The following SND1 variants were observed in gnomAD, a reference collection of about 807,000 sequenced individuals.
SND1 encodes the protein staphylococcal nuclease domain-containing protein 1.
A neutral mutation model predicts 121.7 loss-of-function variants in SND1; 38 were observed. The observed-to-expected ratio is 0.31, with a 90% confidence interval of 0.24 to 0.41. SND1 has a LOEUF of 0.41. SND1 is among the 10% of genes least tolerant of loss of function. The pLI is 1.00. For synonymous variants in SND1, 401 were observed against 447.4 expected, an observed-to-expected ratio of 0.90 and a Z score of 1.31; for missense variants, 868 against 1,184.6, an observed-to-expected ratio of 0.73 and a Z score of 3.92.
chr7:127,759,194 G>A (rs975997623), intron 10 of SND1, among the ~76,000 whole-genome samples: 114 of 152,150 alleles, frequency 7.5e-4, no homozygotes, highest in African/African-American at 2.7e-3. Context: ...TCAGAATGTA[G>A]TATGTGACTT....
In SND1 at chr7:127,788,992, G is replaced by T. The variant is rs537382371; in HGVS notation, c.1153-18492G>T. ...CATCCTGCAAGGTTTTGGTCTATAT[G>T]TTAAGCTGTGCCTTCTAATTTTTCT... On this transcript the variant is annotated intron_variant, in intron 10 of 23. Transcript: ENST00000354725. 4.6e-5 allele frequency among the ~76,000 whole-genome samples: 7 copies of T among 152,306 alleles called. No individual in the cohort carries two copies. In the East Asian group the frequency reaches 1.2e-3, roughly 25 times the overall value.
intron 16 of SND1, among the ~76,000 whole-genome samples, chr7:128,003,726 C>T (rs1802892079): frequency 2.0e-5 from 3 of 152,202 alleles, no homozygotes; most frequent in Admixed American, 1.3e-4. Flanking sequence ...GGATTTTTGG[C>T]CTGGCCACCT....
At chr7:128,066,474 C>G (rs982208369) in intron 16 of SND1, among the ~76,000 whole-genome samples, 9 of 152,210 alleles carry the variant, frequency 5.9e-5, no homozygotes, top group Admixed American at 3.3e-4. Context: ...CAGTGGGGAT[C>G]AGAACCACAT....
intron 15 of SND1, among the ~76,000 whole-genome samples, chr7:127,932,917 T>C (rs746530221): frequency 4.6e-5 from 7 of 152,222 alleles, no homozygotes; most frequent in Non-Finnish European, 8.8e-5. Flanking sequence ...TTCATTGCAG[T>C]GGTCTGGAAC....
At chr7:128,020,217 G>A (rs1803314125) in intron 16 of SND1, among the ~76,000 whole-genome samples, 1 of 152,190 alleles carries the variant, frequency 6.6e-6, no homozygotes, top group Non-Finnish European at 1.5e-5. Context: ...AATCATGAGT[G>A]GGCACCATCT....
chr7:127,883,452 G>C (rs1012394749), intron 12 of SND1, among the ~76,000 whole-genome samples: 13 of 152,102 alleles, frequency 8.5e-5, no homozygotes, highest in Admixed American at 6.6e-4. Flanking sequence ...ATGTGTGTTT[G>C]TGTTAATTTT....
At chr7:127,912,732 CAG>C (rs1800486423) in intron 14 of SND1, among the ~76,000 whole-genome samples, 1 of 151,894 alleles carries the variant, frequency 6.6e-6, no homozygotes, top group Non-Finnish European at 1.5e-5. Context: ...TATCTTTTAA[CAG>C]GGGAAACAAT....
intron 16 of SND1, among the ~76,000 whole-genome samples, chr7:128,003,758 A>G (rs994170567): frequency 3.3e-5 from 5 of 152,214 alleles, no homozygotes; most frequent in East Asian, 1.9e-4. Flanking sequence ...ATTTTAGAAT[A>G]GGGTCACTTT....
intron 10 of SND1, among the ~76,000 whole-genome samples, chr7:127,768,965 ACTCCT>A (rs1797467052): frequency 6.6e-6 from 1 of 152,062 alleles, no homozygotes; most frequent in Admixed American, 6.6e-5. Context: ...CACCTCCCTG[ACTCCT>A]CTCCTACCTT....
chr7:128,032,858 A>C (rs546267586), intron 16 of SND1, among the ~76,000 whole-genome samples: 6 of 151,844 alleles, frequency 4.0e-5, no homozygotes, highest in Admixed American at 1.3e-4. Flanking sequence ...TTCCTTAATG[A>C]GGGTTGCGGG....
intron 10 of SND1, among the ~76,000 whole-genome samples, chr7:127,787,876 G>C (rs952666876): frequency 9.2e-5 from 14 of 152,130 alleles, no homozygotes; most frequent in Non-Finnish European, 1.6e-4. Flanking sequence ...GGAGGGGAGG[G>C]GAAGAAGTTG....
chr7:127,702,139 C>G (rs1188719994), intron 5 of SND1, among the ~76,000 whole-genome samples: 4 of 152,046 alleles, frequency 2.6e-5, no homozygotes, highest in Admixed American at 6.6e-5. Context: ...TGTTGGGTAC[C>G]TGGTACTCAG....
intron 11 of SND1, among the ~76,000 whole-genome samples, chr7:127,823,271 C>A (rs966569144): frequency 1.3e-5 from 2 of 152,158 alleles, no homozygotes; most frequent in South Asian, 2.1e-4. Context: ...CAGTCTATTG[C>A]GTGTCCCTCT....
chr7:127,673,409 T>G (rs1476587324), intron 1 of SND1, among the ~76,000 whole-genome samples: 1 of 152,152 alleles, frequency 6.6e-6, no homozygotes, highest in East Asian at 1.9e-4. Flanking sequence ...CCTCCTGGGT[T>G]TAAGCAATTC....
intron 16 of SND1, among the ~76,000 whole-genome samples, chr7:128,026,884 T>G (rs1049663241): frequency 6.6e-6 from 1 of 152,210 alleles, no homozygotes; most frequent in Non-Finnish European, 1.5e-5. Context: ...CGGGGTGCTT[T>G]TATTTAAGCT....
intron 10 of SND1, among the ~76,000 whole-genome samples, chr7:127,806,041 T>C (rs142015407): frequency 1.1e-4 from 17 of 152,350 alleles, no homozygotes; most frequent in Non-Finnish European, 5.9e-5. Context: ...TATGTACTAA[T>C]GAGGGAGGTA....
At chr7:127,824,611 C>T (rs1244589137) in intron 11 of SND1, among the ~76,000 whole-genome samples, 2 of 152,064 alleles carry the variant, frequency 1.3e-5, no homozygotes, top group Non-Finnish European at 1.5e-5. Flanking sequence ...TCTTCTCTTC[C>T]GTCACTTCAG....
At position 128,085,570 on chromosome 7, in the gene SND1, T is replaced by G; in HGVS notation, c.2235-141T>G. 4.2e-6 allele frequency: 3 copies of G among 714,416 alleles called. No individual in the cohort carries two copies. The South Asian group carries it at 4.9e-5, about 12-fold the overall frequency. 44.3% of individuals were successfully genotyped at this position (714,416 alleles called of 1,614,324 possible). A position where few individuals can be genotyped will look rare whatever the true frequency, so the allele number is the denominator to read the frequency against. On this transcript the variant is annotated intron_variant, in intron 19 of 23. Transcript: ENST00000354725. The surrounding 1 kb of genome is among the most constrained non-coding windows in gnomAD (Gnocchi z 4.4). ...CACAGTGGCCGAGGCTGGGCCTAGA[T>G]GGAGTGCAGTTACTGTCCCCTGTGA...
intron 16 of SND1, among the ~76,000 whole-genome samples, chr7:128,072,678 A>C (rs1584773676): frequency 6.7e-6 from 1 of 148,494 alleles, no homozygotes; most frequent in African/African-American, 2.5e-5. Flanking sequence ...TACCCCCGCC[A>C]CCTCCCCCAG....
Sources: allele counts gnomAD v4.1 joint callset (sites outside exome capture counted in the v4.1 genomes callset), GRCh38; gene constraint gnomAD v4.1.1; non-coding constraint Gnocchi (gnomAD v3.1); transcripts MANE v1.5; gene names NCBI Gene and HGNC (gene_info 2026-07-23, HGNC 2026-07-21).